PDE3B: variants seen among roughly 807,000 people sequenced by gnomAD.
PDE3B encodes phosphodiesterase 3B.
In PDE3B, 66 loss-of-function variants were observed where a neutral mutation model predicts 116.8. The observed-to-expected ratio is 0.56, with a 90% CI of 0.46 to 0.69. PDE3B has a LOEUF of 0.69. PDE3B is among the 30% of genes least tolerant of loss of function. PDE3B has a pLI of 0.00. For synonymous variants in PDE3B, 595 were observed against 533.6 expected (o/e 1.12, Z -1.59); for missense variants, 1,384 against 1,368.1 (o/e 1.01, Z -0.18).
At chr11:14,707,401 C>G (rs1855565438) in intron 1 of PDE3B, among the ~76,000 whole-genome samples, 1 of 151,910 alleles carries the variant, frequency 6.6e-6, no homozygotes, top group African/African-American at 2.4e-5. Flanking sequence ...TAGCCAGGAC[C>G]TATCTTTCAC....
the PDE3B span, chr11:14,886,079 C>T: frequency 1.5e-6 from 1 of 681,254 alleles, no homozygotes; most frequent in Non-Finnish European, 2.6e-6. Context: ...TGCCCTCCTT[C>T]TATAAGGCAT....
At chr11:14,725,311 CTT>C (rs2133847719) in intron 1 of PDE3B, among the ~76,000 whole-genome samples, 1 of 66,996 alleles carries the variant, frequency 1.5e-5, no homozygotes, top group East Asian at 5.0e-4. Context: ...CTTTCTTTCT[CTT>C]TCTTTCTTTC....
At chr11:14,790,330 CT>C (rs59685155) in intron 4 of PDE3B, among the ~76,000 whole-genome samples, 170 of 136,046 alleles carry the variant, frequency 1.2e-3, no homozygotes, top group Admixed American at 1.9e-3. Context: ...ACATCATAGT[CT>C]TTTTTTTTTT....
chr11:14,773,074 T>TCACC (rs888398143), intron 2 of PDE3B: 25 of 152,152 alleles, frequency 1.6e-4, no homozygotes, highest in African/African-American at 6.0e-4. Flanking sequence ...GTTCAACATA[T>TCACC]CACCACTAAT....
At chr11:14,695,311 A>ACACTTTATTTATTTATTTATTTATT (rs1565095804) in intron 1 of PDE3B, among the ~76,000 whole-genome samples, 3 of 152,144 alleles carry the variant, frequency 2.0e-5, no homozygotes, top group Admixed American at 6.5e-5. Context: ...GTAGTGTTCC[A>ACACTTTATTTATTTATTTATTTATT]TAGTTTGAAT....
chr11:14,832,516 T>G (rs1435519243), intron 9 of PDE3B, among the ~76,000 whole-genome samples: 1 of 152,190 alleles, frequency 6.6e-6, no homozygotes, highest in South Asian at 2.1e-4. Flanking sequence ...ATGGTAAGCC[T>G]TCTTTAATTT....
In PDE3B at chr11:14,644,519, C is replaced by G. The variant is rs748877645; in HGVS notation, c.444C>G (p.Ser148Arg). ...RTKRGPGPGR[S>R]CGSWWLLALP... ...AGCGGGGACCCGGCCCGGGCCGGAG[C>G]TGCGGCTCCTGGTGGCTGCTGGCGC... The change falls in exon 1 of 16, where the codon AGC becomes AGG. Residue 148 changes from serine (S) to arginine (R), a missense_variant. Ser to Arg is a moderately radical substitution (Grantham distance 110, BLOSUM62 -1). Coordinates refer to ENST00000282096, the MANE Select transcript of PDE3B (RefSeq NM_000922.4). The G allele has an allele frequency of 2.3e-5, 37 of 1,607,756 alleles. No individual in the cohort carries two copies. The highest frequency in any genetic ancestry group is 2.9e-5 in the Non-Finnish European group (34 of 1,177,366).
chr11:14,785,911 T>C (rs1858176081), intron 2 of PDE3B, among the ~76,000 whole-genome samples: 1 of 152,114 alleles, frequency 6.6e-6, no homozygotes, highest in African/African-American at 2.4e-5. Flanking sequence ...CACTGCTTTA[T>C]TTGCTTTACA....
chr11:14,746,520 G>A (rs964070578), intron 1 of PDE3B, among the ~76,000 whole-genome samples: 2 of 152,120 alleles, frequency 1.3e-5, no homozygotes, highest in Non-Finnish European at 2.9e-5. Flanking sequence ...CCCAATTTAG[G>A]ACAACTCTGA....
intron 4 of PDE3B, among the ~76,000 whole-genome samples, chr11:14,802,763 T>C (rs1212284399): frequency 1.3e-5 from 2 of 152,190 alleles, no homozygotes; most frequent in Admixed American, 6.5e-5. Flanking sequence ...CACAAAGCTG[T>C]GGATGCCCAT....
chr11:14,863,052 C>G (rs1659943512), intron 14 of PDE3B, among the ~76,000 whole-genome samples: 1 of 151,800 alleles, frequency 6.6e-6, no homozygotes, highest in South Asian at 2.1e-4. Flanking sequence ...TACCCCCTAA[C>G]AGGCCCCCAT....
At chr11:14,726,685 A>G (rs1390206412) in intron 1 of PDE3B, among the ~76,000 whole-genome samples, 3 of 152,192 alleles carry the variant, frequency 2.0e-5, no homozygotes, top group Admixed American at 2.0e-4. Flanking sequence ...TTCTAAGGAC[A>G]CAGCTTTGTT....
chr11:14,789,593 A>G (rs2133919481), intron 4 of PDE3B, among the ~76,000 whole-genome samples: 1 of 152,122 alleles, frequency 6.6e-6, no homozygotes, highest in East Asian at 1.9e-4. Context: ...ATAGTATCCA[A>G]AGGTAGGTCT....
At chr11:14,744,261 T>C (rs1219981313) in intron 1 of PDE3B, among the ~76,000 whole-genome samples, 1 of 152,190 alleles carries the variant, frequency 6.6e-6, no homozygotes, top group East Asian at 1.9e-4. Context: ...TTTCTTTGAT[T>C]TGGTTATTCA....
chr11:14,837,986 A>AT (rs937182206), intron 11 of PDE3B, among the ~76,000 whole-genome samples: 53 of 148,234 alleles, frequency 3.6e-4, no homozygotes, highest in African/African-American at 6.9e-4. Context: ...ATTTTATTTT[A>AT]TTTTTTTTTT....
At chr11:14,701,955 G>A (rs1403264621) in intron 1 of PDE3B, among the ~76,000 whole-genome samples, 57 of 149,904 alleles carry the variant, frequency 3.8e-4, no homozygotes, top group Non-Finnish European at 1.5e-5. Flanking sequence ...ATATTTGATG[G>A]GTCTTTTTAC....
intron 2 of PDE3B, among the ~76,000 whole-genome samples, chr11:14,785,852 ATAATAT>A (rs2133915418): frequency 6.6e-6 from 1 of 152,092 alleles, no homozygotes; most frequent in East Asian, 1.9e-4. Context: ...ATCATTTTCC[ATAATAT>A]TAATAGTAAT....
intron 1 of PDE3B, among the ~76,000 whole-genome samples, chr11:14,660,351 G>GAGTGC (rs1460548320): frequency 6.6e-6 from 1 of 151,290 alleles, no homozygotes; most frequent in Non-Finnish European, 1.5e-5. Flanking sequence ...GCCCAGGCTG[G>GAGTGC]AGTGCAATGG....
At chr11:14,718,550 A>T (rs1390565132) in intron 1 of PDE3B, among the ~76,000 whole-genome samples, 3 of 149,942 alleles carry the variant, frequency 2.0e-5, no homozygotes, top group South Asian at 2.1e-4. Context: ...ATGTAAAAGA[A>T]CAGAAATTAT....
Sources: gnomAD v4.1 joint callset for allele counts (sites outside exome capture counted in the v4.1 genomes callset) on GRCh38, gnomAD v4.1.1 for gene constraint, MANE v1.5 for transcripts, NCBI Gene and HGNC (gene_info 2026-07-23, HGNC 2026-07-21) for gene names.